AK8: variants seen among roughly 807,000 people sequenced by gnomAD.
The protein encoded by AK8 is adenylate kinase 8.
A neutral mutation model predicts 54.6 loss-of-function variants in AK8; 44 were observed. The observed-to-expected ratio is 0.81, with a 90% CI of 0.63 to 1.04. AK8 has a LOEUF of 1.04. Among genes scored for constraint, AK8 ranks in the 50% least tolerant of loss-of-function variants. The pLI is 0.00. For synonymous variants in AK8, 239 were observed against 245.6 expected (o/e 0.97, Z 0.25); for missense variants, 555 against 613.6 (o/e 0.90, Z 1.01).
intron 11 of AK8, among the ~76,000 whole-genome samples, chr9:132,780,588 T>G (rs1839421910): frequency 6.6e-6 from 1 of 152,200 alleles, no homozygotes; most frequent in African/African-American, 2.4e-5. Flanking sequence ...CACATACCCA[T>G]CTTATTTAAA....
chr9:132,763,005 A>G (rs1442076514), intron 11 of AK8, among the ~76,000 whole-genome samples: 1 of 152,222 alleles, frequency 6.6e-6, no homozygotes, highest in East Asian at 1.9e-4. Flanking sequence ...AGAGGATTCC[A>G]GCAGCTCCCA....
Position 132,770,604 on chromosome 9 carries a change from G to A in AK8, c.1121+22030C>T, listed in dbSNP as rs1176421035. ...GTGACTTCCGGGATTGAATTGGCTG[G>A]GAAGCCGGTCCCATTTCAACAGAGA... On this transcript the variant is annotated intron_variant, in intron 11 of 12. Transcript: ENST00000298545. The surrounding 1 kb of genome is among the most constrained non-coding windows in gnomAD (Gnocchi z 4.3). Among the ~76,000 whole-genome samples the A allele has an allele frequency of 6.6e-6, 1 of 152,212 alleles. No individual in the cohort carries two copies. The highest frequency in any genetic ancestry group is 1.9e-4 in the East Asian group (1 of 5,176).
At chr9:132,806,739 T>A (rs574656056) in intron 10 of AK8, among the ~76,000 whole-genome samples, 2 of 152,298 alleles carry the variant, frequency 1.3e-5, no homozygotes, top group South Asian at 4.1e-4. Context: ...TTGGCTGAGC[T>A]CTGATCCACA....
In AK8 at chr9:132,770,506, G is replaced by A. The variant is rs1374470059; in HGVS notation, c.1121+22128C>T. On this transcript the variant is annotated intron_variant, in intron 11 of 12. Transcript: ENST00000298545. This position sits in a 1 kb window ranked among gnomAD's most constrained non-coding sequence, Gnocchi z 4.3. ...CTGTGGAGGAGCGGGCTGGGAGCGC[G>A]GGGGATGCCCCTCGCCCTGCACGCG... 6.6e-6 allele frequency among the ~76,000 whole-genome samples: 1 copy of A among 152,168 alleles called. No individual in the cohort carries two copies. Among genetic ancestry groups the A allele is most frequent in the Non-Finnish European group, 1.5e-5 (1 of 68,018 alleles).
intron 1 of AK8, among the ~76,000 whole-genome samples, chr9:132,875,462 G>A (rs957443250): frequency 6.6e-6 from 1 of 152,156 alleles, no homozygotes; most frequent in African/African-American, 2.4e-5. Context: ...AGGCAGTCCA[G>A]GGCTCTCTCC....
chr9:132,831,696 G>A (rs960610303), intron 5 of AK8, among the ~76,000 whole-genome samples: 3 of 152,144 alleles, frequency 2.0e-5, no homozygotes, highest in Non-Finnish European at 4.4e-5. Flanking sequence ...GGTCACTCAC[G>A]TCCATATCAC....
At chr9:132,853,209 T>A (rs1400734841) in intron 5 of AK8, among the ~76,000 whole-genome samples, 12 of 150,708 alleles carry the variant, frequency 8.0e-5, no homozygotes, top group Admixed American at 7.9e-4. Flanking sequence ...AATACAAAAA[T>A]AAGCCAGGCA....
intron 10 of AK8, among the ~76,000 whole-genome samples, chr9:132,797,643 T>C (rs1840236264): frequency 6.6e-6 from 1 of 152,212 alleles, no homozygotes; most frequent in Admixed American, 6.5e-5. Flanking sequence ...TAGCGATGGC[T>C]CCCACAGGTT....
intron 4 of AK8, among the ~76,000 whole-genome samples, chr9:132,859,656 C>T (rs1313952689): frequency 6.6e-6 from 1 of 151,814 alleles, no homozygotes; most frequent in African/African-American, 2.4e-5. Flanking sequence ...CCGTCTCCTC[C>T]CCCTCCTCGA....
intron 12 of AK8, among the ~76,000 whole-genome samples, 185 bp from the exon 13 acceptor site, chr9:132,726,110 TC>T (rs1836555757): frequency 6.6e-6 from 1 of 152,062 alleles, no homozygotes; most frequent in Non-Finnish European, 1.5e-5. Context: ...TACAGAGAGA[TC>T]CAAGATGTGC....
At chr9:132,813,383 TTCC>T (rs1234740597) in intron 10 of AK8, among the ~76,000 whole-genome samples, 1 of 152,174 alleles carries the variant, frequency 6.6e-6, no homozygotes, top group Admixed American at 6.5e-5. Flanking sequence ...TTTCATGTGC[TTCC>T]TCCTCATCAA....
In AK8 at chr9:132,795,032, C is replaced by T. The variant is rs560234278; in HGVS notation, c.980-2257G>A. Among the ~76,000 whole-genome samples, 8 of 152,170 alleles carry T rather than the reference C, an allele frequency of 5.3e-5. No individual in the cohort carries two copies. In the South Asian group the frequency reaches 6.2e-4, roughly 12 times the overall value. On this transcript the variant is annotated intron_variant, in intron 10 of 12. Coordinates refer to ENST00000298545, the MANE Select transcript of AK8 (RefSeq NM_152572.3). ...AAGTGATGCTTCACGAATATTTTCA[C>T]GGTTGCCTGTGGTCAGGGCGTGCCA...
chr9:132,874,799 C>T (rs542557144), intron 2 of AK8, among the ~76,000 whole-genome samples: 23 of 152,324 alleles, frequency 1.5e-4, no homozygotes, highest in African/African-American at 3.6e-4. Context: ...CTAGGGCAGG[C>T]GAAAGCATTA....
intron 11 of AK8, among the ~76,000 whole-genome samples, chr9:132,757,261 A>G (rs1166325099): frequency 6.6e-6 from 1 of 152,190 alleles, no homozygotes; most frequent in African/African-American, 2.4e-5. Context: ...AGGGTTCCGG[A>G]GCAGGACAAG....
chr9:132,775,234 T>C (rs1839160610), intron 11 of AK8, among the ~76,000 whole-genome samples: 1 of 152,180 alleles, frequency 6.6e-6, no homozygotes, highest in South Asian at 2.1e-4. Context: ...GGAAAAAATG[T>C]TAAGTGGTAA....
At position 132,725,902 on chromosome 9, in the gene AK8, G is replaced by A; in HGVS notation, c.1226C>T (p.Pro409Leu). The part of the protein sequence containing the change: ...GERYHLMYKP[P>L]PTMEIQARLL... ...GCGAGCCTGGATCTCCATGGTGGGA[G>A]GTGGCTTGTACATGAGGTGGTACCT... The change falls in exon 13 of 13, where the codon CCT (proline) becomes CTT (leucine). Residue 409 changes from proline to leucine, a missense_variant. Physicochemically the swap from Pro to Leu is moderately conservative, Grantham distance 98. Transcript: ENST00000298545. 6.2e-7 allele frequency: 1 copy of A among 1,611,786 alleles called. No individual in the cohort carries two copies. The highest frequency in any genetic ancestry group is 8.5e-7 in the Non-Finnish European group (1 of 1,179,680).
At chr9:132,776,963 G>C (rs1371256536) in intron 11 of AK8, among the ~76,000 whole-genome samples, 4 of 152,126 alleles carry the variant, frequency 2.6e-5, no homozygotes, top group Non-Finnish European at 5.9e-5. Flanking sequence ...ATTTAAATTA[G>C]CCACATTAGA....
intron 11 of AK8, among the ~76,000 whole-genome samples, chr9:132,741,893 G>A (rs1477270071): frequency 6.6e-6 from 1 of 152,100 alleles, no homozygotes; most frequent in African/African-American, 2.4e-5. Context: ...ACAAGACATG[G>A]CTCTCCAAGT....
chr9:132,801,047 C>T (rs1460621519), intron 10 of AK8, among the ~76,000 whole-genome samples: 1 of 151,568 alleles, frequency 6.6e-6, no homozygotes, highest in African/African-American at 2.4e-5. Flanking sequence ...GCCTCAGCCT[C>T]GTGAGTGACT....
Sources: allele counts gnomAD v4.1 joint callset (sites outside exome capture counted in the v4.1 genomes callset), GRCh38; gene constraint gnomAD v4.1.1; non-coding constraint Gnocchi (gnomAD v3.1); transcripts MANE v1.5; gene names NCBI Gene and HGNC (gene_info 2026-07-23, HGNC 2026-07-21).